TRPM2: variants seen among roughly 807,000 people sequenced by gnomAD.
TRPM2 encodes transient receptor potential cation channel subfamily M member 2, also known as estrogen-responsive element-associated gene 1 protein.
A neutral mutation model predicts 174.0 loss-of-function variants in TRPM2; 161 were observed. The observed-to-expected ratio is 0.93, with a 90% CI of 0.81 to 1.05. The LOEUF (loss-of-function observed/expected upper bound fraction) is 1.05, where lower values mean the gene tolerates loss of function less well. TRPM2 is among the 50% of genes least tolerant of loss of function. TRPM2 has a pLI of 0.00. For missense variants in TRPM2, 2,057 were observed against 2,038.0 expected, an observed-to-expected ratio of 1.01 and a Z score of -0.18; for synonymous variants, 954 against 861.3, an observed-to-expected ratio of 1.11 and a Z score of -1.88.
rs752125414 is a variant in TRPM2 at position 44,366,846 on chromosome 21, G to A, written c.516G>A (p.Ser172=). The A allele has an allele frequency of 5.0e-6, 8 of 1,613,756 alleles. No homozygotes were observed. The highest frequency in any genetic ancestry group is 2.2e-5 in the South Asian group (2 of 91,068). Residue 172 remains serine, a synonymous_variant, in exon 4 of 32, where the codon TCG becomes TCA. Coordinates refer to ENST00000397928, the MANE Select transcript of TRPM2 (RefSeq NM_003307.4). The surrounding 1 kb of genome is among the most constrained non-coding windows in gnomAD (Gnocchi z 6.0). ...WGLDVPNLLI[S]VTGGAKNFNM... ...TGGACGTCCCCAATCTCTTGATCTC[G>A]GTGACCGGGGGGGCCAAGAACTTCA...
Position 44,424,937 on chromosome 21 carries a change from T to A in TRPM2, c.3635T>A (p.Leu1212Gln), listed in dbSNP as rs1487228124. The change falls in exon 24 of 32, where the codon CTG becomes CAG. Residue 1212 changes from leucine to glutamine, a missense_variant and splice_region_variant. Physicochemically the swap from Leu to Gln is moderately radical, Grantham distance 113. Coordinates refer to ENST00000397928, the MANE Select transcript of TRPM2 (RefSeq NM_003307.4). Reference protein sequence around the residue: ...GFSSEADVPTLASQKAAEEPD... With the variant: ...GFSSEADVPTQASQKAAEEPD... ...AGCTCGGAGGCGGACGTCCCCACTC[T>A]GGGTGAGTGGGTGGCCAGGCCAGCA... 1.3e-6 allele frequency: 2 copies of A among 1,596,996 alleles called. No individual in the cohort carries two copies. Among genetic ancestry groups the A allele is most frequent in the Non-Finnish European group, 1.7e-6 (2 of 1,174,002 alleles).
chr21:44,431,522 T>C (rs1408291451), intron 27 of TRPM2, among the ~76,000 whole-genome samples: 1 of 152,114 alleles, frequency 6.6e-6, no homozygotes, highest in Non-Finnish European at 1.5e-5. Flanking sequence ...CAGGATGGAG[T>C]GCAGTGGTGC....
chr21:44,389,904 G>A (rs1192361668), intron 9 of TRPM2, among the ~76,000 whole-genome samples: 1 of 142,942 alleles, frequency 7.0e-6, no homozygotes, highest in Non-Finnish European at 1.5e-5. Flanking sequence ...ATGGAGTCTC[G>A]CTCTGTTGCC....
chr21:44,369,196 G>A lies in TRPM2; in HGVS notation c.624G>A (p.Gly208=), dbSNP rs771644697. Residue 208 remains glycine, a synonymous_variant, in exon 5 of 32, where the codon GGG becomes GGA. Coordinates refer to ENST00000397928, the MANE Select transcript of TRPM2 (RefSeq NM_003307.4). Reference sequence around the variant, plus strand: ...CCCCAGGGGCCTGGATCATCACAGGGGGGTCCCACACCGGCGTCATGAAGC... The same window carrying A: ...CCCCAGGGGCCTGGATCATCACAGGAGGGTCCCACACCGGCGTCATGAAGC... ...AQTTGAWIIT[G]GSHTGVMKQV... 16 of 1,611,196 alleles carry A rather than the reference G, an allele frequency of 9.9e-6. No individual in the cohort carries two copies. The highest frequency in any genetic ancestry group is 2.2e-5 in the East Asian group (1 of 44,820).
rs149981702 is a variant in TRPM2, at chr21:44,377,740, C to T, written c.981C>T (p.Cys327=). Reference sequence around the variant, plus strand: ...TGGCCATCAAGATCCCCATCGTGTGCGTGGTGCTGGAGGGCGGCCCGGGCA... The same window carrying T: ...TGGCCATCAAGATCCCCATCGTGTGTGTGGTGCTGGAGGGCGGCCCGGGCA... ...GGVAIKIPIV[C]VVLEGGPGTL... The change falls in exon 7 of 32, where the codon TGC becomes TGT. Residue 327 remains cysteine (C), a synonymous_variant. Coordinates refer to ENST00000397928, the MANE Select transcript of TRPM2 (RefSeq NM_003307.4). The T allele has an allele frequency of 9.9e-6, 16 of 1,614,142 alleles. No individual in the cohort carries two copies. Among genetic ancestry groups the T allele is most frequent in the African/African-American group, 1.3e-5 (1 of 75,050 alleles).
rs1054273265 is a variant in TRPM2 at position 44,438,971 on chromosome 21, C to T, written c.4168-96C>T. On this transcript the variant is annotated intron_variant, in intron 29 of 31. Coordinates refer to ENST00000397928, the MANE Select transcript of TRPM2 (RefSeq NM_003307.4). The surrounding 1 kb of genome is among the most constrained non-coding windows in gnomAD (Gnocchi z 5.9). ...TGGCTCCCAGGGCTGGGCCGCTGCC[C>T]ACGCCGGGCAGGAGGCCAGTGGAGA... 6.6e-5 allele frequency: 66 copies of T among 1,001,606 alleles called. No homozygotes were observed. The African/African-American group carries it at 1.0e-3, about 16-fold the overall frequency. 62.0% of individuals were successfully genotyped at this position (1,001,606 alleles called of 1,614,324 possible). A position where few individuals can be genotyped will look rare whatever the true frequency, so the allele number is the denominator to read the frequency against.
At position 44,386,161 on chromosome 21, in the gene TRPM2, G is replaced by A. The variant is rs200157908; in HGVS notation, c.1318+3341G>A. Among the ~76,000 whole-genome samples the A allele has an allele frequency of 2.2e-4, 33 of 152,178 alleles. 1 individual carries two copies. In the East Asian group the frequency reaches 3.5e-3, roughly 16 times the overall value. ...AGCACTTTGGGAGGCGGAGGTGGGC[G>A]GATCACGAGGTCAGGAGATTGAGAC... On this transcript the variant is annotated intron_variant, in intron 9 of 31. Transcript: ENST00000397928.
intron 2 of TRPM2, among the ~76,000 whole-genome samples, chr21:44,361,689 A>C (rs1259904039): frequency 6.6e-6 from 1 of 150,994 alleles, no homozygotes; most frequent in Non-Finnish European, 1.5e-5. Flanking sequence ...ATTTTTTAGA[A>C]TTCTATTTTG....
In TRPM2 at chr21:44,354,206, A is replaced by G. The variant is rs2047993912; in HGVS notation, c.165+341A>G. On this transcript the variant is annotated intron_variant, in intron 1 of 31. Coordinates refer to ENST00000397928, the MANE Select transcript of TRPM2 (RefSeq NM_003307.4). This position sits in a 1 kb window ranked among gnomAD's most constrained non-coding sequence, Gnocchi z 4.3. The stretch of plus-strand genomic sequence containing the variant: ...GATTGGGAGGGCCTGGGCCTGGGCT[A>G]GCTTTCCCCAAAGCCCTGGATACAA... 6.6e-6 allele frequency among the ~76,000 whole-genome samples: 1 copy of G among 152,200 alleles called. No homozygotes were observed. Among genetic ancestry groups the G allele is most frequent in the Non-Finnish European group, 1.5e-5 (1 of 68,026 alleles).
Position 44,424,878 on chromosome 21 carries a change from C to T in TRPM2, c.3576C>T (p.His1192=). The change falls in exon 24 of 32, where the codon CAC becomes CAT. Residue 1192 remains histidine, a synonymous_variant. Coordinates refer to ENST00000397928, the MANE Select transcript of TRPM2 (RefSeq NM_003307.4). ...EQVAQTAQAL[H]WIVRTLRASG... is the part of the protein sequence containing the mutation. Reference sequence around the variant, plus strand: ...TGGCCCAGACAGCCCAAGCCCTGCACTGGATCGTGAGGACGCTGCGGGCCA... The same window carrying T: ...TGGCCCAGACAGCCCAAGCCCTGCATTGGATCGTGAGGACGCTGCGGGCCA... 1.2e-6 allele frequency: 2 copies of T among 1,607,834 alleles called. No homozygotes were observed. Among genetic ancestry groups the T allele is most frequent in the Non-Finnish European group, 1.7e-6 (2 of 1,178,246 alleles).
chr21:44,434,023 A>G (rs1477905017), intron 27 of TRPM2, among the ~76,000 whole-genome samples: 2 of 151,638 alleles, frequency 1.3e-5, no homozygotes, highest in African/African-American at 2.4e-5. Flanking sequence ...CGCCGGTGCT[A>G]GAGGTGGTCA....
Position 44,426,756 on chromosome 21 carries a change from C to T in TRPM2, c.3872+20C>T, listed in dbSNP as rs560924968. 1.2e-5 allele frequency: 19 copies of T among 1,613,242 alleles called. No homozygotes were observed. The highest frequency in any genetic ancestry group is 9.3e-5 in the African/African-American group (7 of 75,034). ...GGGAGAGTGAGTATGAGCCGCTGTCCGTGCTCCCAGCTGGCCCCAAACCCA... is the reference window on the plus strand; with the variant it reads ...GGGAGAGTGAGTATGAGCCGCTGTCTGTGCTCCCAGCTGGCCCCAAACCCA... On this transcript the variant is annotated intron_variant, in intron 26 of 31. Transcript: ENST00000397928.
At position 44,397,764 on chromosome 21, in the gene TRPM2, A is replaced by G. The variant is rs778349568; in HGVS notation, c.1950A>G (p.Ala650=). The G allele has an allele frequency of 3.1e-6, 5 of 1,593,560 alleles. No homozygotes were observed. Among genetic ancestry groups the G allele is most frequent in the Non-Finnish European group, 4.3e-6 (5 of 1,169,296 alleles). The change falls in exon 13 of 32, where the codon GCA becomes GCG. Residue 650 remains alanine (A), a synonymous_variant. Coordinates refer to ENST00000397928, the MANE Select transcript of TRPM2 (RefSeq NM_003307.4). ...GTCCCCAGAGCCAGGACTGCATCGC[A>G]GCGGCCTTGGCCTGCAGCAAGATCC... is the stretch of plus-strand genomic sequence containing the variant. ...IIWAQSQDCI[A]AALACSKILK... is the part of the protein sequence containing the mutation.
intron 2 of TRPM2, 81 bp from the exon 3 acceptor site, chr21:44,364,033 C>T (rs1019514895): frequency 6.8e-7 from 1 of 1,464,626 alleles, no homozygotes; most frequent in African/African-American, 1.4e-5. Context: ...TTGCGGCTTT[C>T]CACTGGGCCT....
intron 25 of TRPM2, 109 bp downstream of exon 25, chr21:44,425,936 G>T (rs898851615): frequency 8.5e-6 from 11 of 1,299,098 alleles, no homozygotes; most frequent in Non-Finnish European, 1.1e-5. Context: ...AGCCACTGCA[G>T]CCACAGGGGG....
intron 9 of TRPM2, among the ~76,000 whole-genome samples, chr21:44,389,340 A>C (rs1371443799): frequency 6.6e-6 from 1 of 152,118 alleles, no homozygotes; most frequent in African/African-American, 2.4e-5. Flanking sequence ...GTTGGGGTGC[A>C]TTTAGGTTGT....
rs1402245604 is a variant in TRPM2, at chr21:44,369,127, C to CA, written c.605-49dup. 6.6e-6 allele frequency: 8 copies of CA among 1,208,810 alleles called. No individual in the cohort carries two copies. In the African/African-American group the frequency reaches 1.4e-4, roughly 22 times the overall value. 74.9% of individuals were successfully genotyped at this position (1,208,810 alleles called of 1,614,324 possible). ...GCTCAGGCGTCAGGCTCCTGGGTGT[C>CA]AGGTGCCCCTCAGTGCTGTGGGGCC... On this transcript the variant is annotated intron_variant, in intron 4 of 31. Transcript: ENST00000397928.
At position 44,414,295 on chromosome 21, in the gene TRPM2, C is replaced by T. The variant is rs533101632; in HGVS notation, c.3146+221C>T. On this transcript the variant is annotated intron_variant, in intron 20 of 31. Coordinates refer to ENST00000397928, the MANE Select transcript of TRPM2 (RefSeq NM_003307.4). ...GTCTGTCTCTTGAGCTGGCGTGGGT[C>T]TGTCCTTGTGGCTGCTGGGGACCCG... is the stretch of plus-strand genomic sequence containing the variant. Among the ~76,000 whole-genome samples the T allele has an allele frequency of 2.6e-5, 4 of 152,232 alleles. No individual in the cohort carries two copies. In the South Asian group the frequency reaches 6.2e-4, roughly 24 times the overall value.
intron 16 of TRPM2, among the ~76,000 whole-genome samples, 162 bp from the exon 17 acceptor site, chr21:44,404,980 A>G (rs12483253): frequency 6.8e-6 from 1 of 146,844 alleles, no homozygotes; most frequent in Non-Finnish European, 1.5e-5. Flanking sequence ...GGATAGTGAT[A>G]TGACAGTGAT....
Sources: gnomAD v4.1 joint callset for allele counts (sites outside exome capture counted in the v4.1 genomes callset) on GRCh38, gnomAD v4.1.1 for gene constraint, Gnocchi (gnomAD v3.1) non-coding constraint, MANE v1.5 for transcripts, NCBI Gene and HGNC (gene_info 2026-07-23, HGNC 2026-07-21) for gene names.